The following NOX4 variants were observed in gnomAD, a reference collection of about 807,000 sequenced individuals.
NOX4 encodes NADPH oxidase 4.
NOX4 carries 69 observed loss-of-function variants against 87.6 expected under a neutral mutation model. That is an observed-to-expected ratio of 0.79 (90% CI 0.65 to 0.96). NOX4 has a LOEUF of 0.96. Ranked by LOEUF, NOX4 falls within the 40% of genes least tolerant of loss-of-function variation. The probability of loss-of-function intolerance (pLI) is 0.00; values close to 1 mark genes in which losing one functional copy is unlikely to be tolerated. For synonymous variants in NOX4, 275 were observed against 238.2 expected (o/e 1.15, Z -1.42); for missense variants, 680 against 681.5 (o/e 1.00, Z 0.02).
chr11:89,588,419 C>T, the NOX4 span, among the ~76,000 whole-genome samples: 7 of 152,100 alleles, frequency 4.6e-5, no homozygotes, highest in African/African-American at 1.7e-4. Flanking sequence ...GAAATTGTTT[C>T]CTATTCCAAA....
intron 11 of NOX4, among the ~76,000 whole-genome samples, chr11:89,377,860 T>C (rs187741817): frequency 1.5e-3 from 226 of 152,344 alleles, no homozygotes; most frequent in African/African-American, 5.2e-3. Flanking sequence ...TCATATTTTC[T>C]ACTGCATGTT....
intron 9 of NOX4, 33 bp downstream of exon 9, chr11:89,402,293 C>T: frequency 1.3e-6 from 2 of 1,518,756 alleles, no homozygotes; most frequent in Non-Finnish European, 1.8e-6. Flanking sequence ...TGGAAACAAA[C>T]TTTGTGGAGA....
chr11:89,370,081 A>G (rs12802253), intron 12 of NOX4, among the ~76,000 whole-genome samples: 1 of 151,936 alleles, frequency 6.6e-6, no homozygotes, highest in Non-Finnish European at 1.5e-5. Flanking sequence ...CCTTAACTAA[A>G]CCTATATTTA....
At chr11:89,362,974 A>G (rs1938644303) in intron 12 of NOX4, among the ~76,000 whole-genome samples, 1 of 152,144 alleles carries the variant, frequency 6.6e-6, no homozygotes, top group South Asian at 2.1e-4. Flanking sequence ...TCAGGCACCA[A>G]CTGAGGTTCT....
intron 7 of NOX4, among the ~76,000 whole-genome samples, chr11:89,431,480 T>A (rs1053769575): frequency 6.6e-6 from 1 of 151,912 alleles, no homozygotes; most frequent in South Asian, 2.1e-4. Context: ...ATATCCAGAA[T>A]CTACAAAAAA....
intron 17 of NOX4, among the ~76,000 whole-genome samples, chr11:89,327,842 T>C (rs773123030): frequency 6.6e-6 from 1 of 151,612 alleles, no homozygotes; most frequent in Non-Finnish European, 1.5e-5. Flanking sequence ...CTTGCAGCCA[T>C]GATGGGGTAA....
At chr11:89,449,295 G>A in intron 4 of NOX4, 145 bp downstream of exon 4, 1 of 577,998 alleles carries the variant, frequency 1.7e-6, no homozygotes, top group Non-Finnish European at 3.1e-6. Flanking sequence ...ATATCTGCAG[G>A]CAATTACCCC....
At chr11:89,584,021 T>C in the NOX4 span, among the ~76,000 whole-genome samples, 1 of 152,168 alleles carries the variant, frequency 6.6e-6, no homozygotes, top group African/African-American at 2.4e-5. Flanking sequence ...GACTTTCACA[T>C]TCTTACTTTC....
chr11:89,486,857 C>A (rs1020153306), intron 2 of NOX4, among the ~76,000 whole-genome samples: 1 of 151,838 alleles, frequency 6.6e-6, no homozygotes, highest in African/African-American at 2.4e-5. Flanking sequence ...CCACAACTTC[C>A]CATCCTTTGA....
At chr11:89,512,780 C>T in the NOX4 span, among the ~76,000 whole-genome samples, 2 of 152,028 alleles carry the variant, frequency 1.3e-5, no homozygotes. Context: ...CCCACCTTTG[C>T]CATACACTTC....
Position 89,440,695 on chromosome 11 carries a change from G to T in NOX4, c.468C>A (p.Phe156Leu). Residue 156 changes from phenylalanine (F) to leucine (L), a missense_variant, in exon 6 of 18, where the codon TTC (phenylalanine) becomes TTA (leucine). Phe to Leu is a conservative substitution (Grantham distance 22). Coordinates refer to ENST00000263317, the MANE Select transcript of NOX4 (RefSeq NM_016931.5). ...CTAAGAATAACAACTTACCAGTTGT[G>T]AAGAGAAGTTTTCTAGGATCCTGAG... ...YRDEDPRKLL[F>L]TTVPGLTGVC... is the part of the protein sequence containing the mutation. The T allele has an allele frequency of 6.5e-7, 1 of 1,542,836 alleles. No individual in the cohort carries two copies. The highest frequency in any genetic ancestry group is 1.2e-5 in the South Asian group (1 of 83,534).
At chr11:89,565,250 TATATG>T in the NOX4 span, among the ~76,000 whole-genome samples, 1 of 152,100 alleles carries the variant, frequency 6.6e-6, no homozygotes, top group African/African-American at 2.4e-5. Flanking sequence ...TATTTTTTGA[TATATG>T]ATATATCAAT....
intron 2 of NOX4, among the ~76,000 whole-genome samples, chr11:89,488,071 A>G (rs568567421): frequency 1.3e-5 from 2 of 152,248 alleles, no homozygotes; most frequent in African/African-American, 4.8e-5. Flanking sequence ...GTCATATTTT[A>G]TCTCTCAGCA....
chr11:89,468,304 T>C (rs373893561), intron 2 of NOX4, among the ~76,000 whole-genome samples: 2 of 152,360 alleles, frequency 1.3e-5, no homozygotes, highest in East Asian at 3.9e-4. Flanking sequence ...AAAAGTGGTA[T>C]AATTTCCTAA....
rs772144856 is a variant in NOX4 at position 89,326,896 on chromosome 11, A to C, written c.1617-20T>G. ...GTTTTTCTAGAACAAGAGCAGAGAA[A>C]ATGGAAAATCAGGTGTAAAATTAGG... On this transcript the variant is annotated intron_variant, in intron 17 of 17. Coordinates refer to ENST00000263317, the MANE Select transcript of NOX4 (RefSeq NM_016931.5). The C allele has an allele frequency of 4.5e-5, 72 of 1,612,150 alleles. No individual in the cohort carries two copies. Among genetic ancestry groups the C allele is most frequent in the Admixed American group, 2.5e-4 (15 of 59,838 alleles).
chr11:89,460,808 G>A (rs1367134483), intron 2 of NOX4, among the ~76,000 whole-genome samples: 1 of 152,106 alleles, frequency 6.6e-6, no homozygotes, highest in Non-Finnish European at 1.5e-5. Flanking sequence ...CCATTACTGG[G>A]TATATACCCA....
chr11:89,500,158 T>G (rs1314816999), upstream of NOX4, among the ~76,000 whole-genome samples: 1 of 152,164 alleles, frequency 6.6e-6, no homozygotes, highest in Non-Finnish European at 1.5e-5. Context: ...GAGAATAATC[T>G]TGCATCTTAG....
intron 17 of NOX4, among the ~76,000 whole-genome samples, chr11:89,331,663 T>C (rs1380686122): frequency 1.3e-5 from 2 of 151,730 alleles, no homozygotes; most frequent in African/African-American, 4.8e-5. Context: ...TAGAGTTAGT[T>C]TGGCAAGTCT....
intron 2 of NOX4, among the ~76,000 whole-genome samples, chr11:89,456,827 C>T (rs1007779101): frequency 2.6e-5 from 4 of 152,132 alleles, no homozygotes; most frequent in Non-Finnish European, 5.9e-5. Flanking sequence ...GGCTAGGGTG[C>T]CCATCCCCAA....
Sources: allele counts gnomAD v4.1 joint callset (sites outside exome capture counted in the v4.1 genomes callset), GRCh38; gene constraint gnomAD v4.1.1; transcripts MANE v1.5; gene names NCBI Gene and HGNC (gene_info 2026-07-23, HGNC 2026-07-21).